NDUFA10: variants seen among roughly 807,000 people sequenced by gnomAD.
The protein encoded by NDUFA10 is NADH:ubiquinone oxidoreductase subunit A10, also known as NADH dehydrogenase [ubiquinone] 1 alpha subcomplex subunit 10, mitochondrial.
Under a neutral mutation model 47.8 loss-of-function variants are expected in NDUFA10, and 40 were observed. That is an observed-to-expected ratio of 0.84 (90% CI 0.65 to 1.09). NDUFA10 has a LOEUF of 1.09. Among genes scored for constraint, NDUFA10 ranks in the 50% least tolerant of loss-of-function variants. NDUFA10 has a pLI of 0.00. For synonymous variants in NDUFA10, 183 were observed against 172.2 expected, an observed-to-expected ratio of 1.06 and a Z score of -0.49; for missense variants, 413 against 451.1, an observed-to-expected ratio of 0.92 and a Z score of 0.76.
At chr2:239,972,514 A>C (rs1695344329) in intron 9 of NDUFA10, among the ~76,000 whole-genome samples, 1 of 152,182 alleles carries the variant, frequency 6.6e-6, no homozygotes, top group Admixed American at 6.5e-5. Flanking sequence ...AATTTTAAAG[A>C]AGAGCACTAT....
intron 4 of NDUFA10, among the ~76,000 whole-genome samples, chr2:239,911,670 A>AGTGTGTGTGTGTGTGTGT (rs146389087): frequency 5.5e-4 from 81 of 146,652 alleles, no homozygotes; most frequent in Admixed American, 6.1e-4. Flanking sequence ...AACATGAGAG[A>AGTGTGTGTGTGTGTGTGT]GTGTGTGTGC....
At chr2:239,922,635 C>T (rs894651295) in intron 4 of NDUFA10, among the ~76,000 whole-genome samples, 14 of 152,234 alleles carry the variant, frequency 9.2e-5, no homozygotes, top group Non-Finnish European at 1.3e-4. Context: ...GACTTTTCTA[C>T]GCCACAATGC....
chr2:239,971,914 G>A (rs1695319432), intron 9 of NDUFA10, among the ~76,000 whole-genome samples: 1 of 152,100 alleles, frequency 6.6e-6, no homozygotes, highest in Non-Finnish European at 1.5e-5. Context: ...CATATATATA[G>A]TAAAGGTATG....
At chr2:239,977,546 C>T (rs376019633) in intron 9 of NDUFA10, among the ~76,000 whole-genome samples, 2 of 152,198 alleles carry the variant, frequency 1.3e-5, no homozygotes, top group Non-Finnish European at 2.9e-5. Flanking sequence ...CACAGCTGGA[C>T]GACCGTGCCC....
chr2:239,967,977 T>A (rs4854066), intron 9 of NDUFA10, among the ~76,000 whole-genome samples: 57,733 of 139,354 alleles, frequency 0.41, 11,632 homozygotes, highest in Admixed American at 0.47. Context: ...AGGAAAAAAA[T>A]ATACACACAC....
rs539770359 is a variant in NDUFA10 at position 240,014,552 on chromosome 2, A to G, written c.669+187T>C. ...GGGCGGCAGGCCCGCAGGCTGTGGCACCAGGCCGAGCCATGGGGTCTCCCC... is the reference window on the plus strand; with the variant it reads ...GGGCGGCAGGCCCGCAGGCTGTGGCGCCAGGCCGAGCCATGGGGTCTCCCC... On this transcript the variant is annotated intron_variant, in intron 5 of 9. Coordinates refer to ENST00000252711, the MANE Select transcript of NDUFA10 (RefSeq NM_004544.4). 1.6e-4 allele frequency: 138 copies of G among 887,466 alleles called. 1 individual carries two copies. The Middle Eastern group carries it at 1.7e-3, about 11-fold the overall frequency. The allele number at this position is 887,466 out of a possible 1,614,324, so 55.0% of individuals were successfully genotyped here. A position where few individuals can be genotyped will look rare whatever the true frequency, so the allele number is the denominator to read the frequency against.
intron 5 of NDUFA10, chr2:240,013,450 A>G (rs1330679349): frequency 3.3e-5 from 5 of 152,274 alleles, no homozygotes; most frequent in Non-Finnish European, 7.3e-5. Context: ...GTTTTTCTCA[A>G]TAAATGTCAG....
At chr2:240,005,918 T>C (rs1468991735) in intron 7 of NDUFA10, among the ~76,000 whole-genome samples, 5 of 152,048 alleles carry the variant, frequency 3.3e-5, no homozygotes, top group Admixed American at 2.0e-4. Context: ...ACTCATTTCT[T>C]CCCAAGTAAG....
chr2:239,977,694 A>C (rs1051361338), intron 9 of NDUFA10, among the ~76,000 whole-genome samples: 2 of 152,238 alleles, frequency 1.3e-5, no homozygotes. Context: ...GAGAACGTAA[A>C]TATGACACAT....
intron 9 of NDUFA10, among the ~76,000 whole-genome samples, chr2:239,986,810 C>G (rs1696020740): frequency 6.6e-6 from 1 of 152,138 alleles, no homozygotes; most frequent in Non-Finnish European, 1.5e-5. Flanking sequence ...CAAAGTATGT[C>G]CCCCTCAAAA....
intron 4 of NDUFA10, among the ~76,000 whole-genome samples, chr2:239,898,991 G>GTA (rs1693463378): frequency 8.8e-6 from 1 of 113,010 alleles, no homozygotes; most frequent in Non-Finnish European, 2.0e-5. Context: ...TGATGGAGAG[G>GTA]TGTGATGGAG....
intron 8 of NDUFA10, among the ~76,000 whole-genome samples, chr2:239,992,089 A>G (rs75599513): frequency 2.0e-5 from 3 of 152,376 alleles, no homozygotes; most frequent in South Asian, 2.1e-4. Flanking sequence ...AGTCCATGGT[A>G]TATCTCCAGT....
chr2:239,949,702 TCCAACTCAGCCTCAAGCGATCCTC>T (rs1694520277), intron 4 of NDUFA10, among the ~76,000 whole-genome samples: 1 of 151,764 alleles, frequency 6.6e-6, no homozygotes, highest in Non-Finnish European at 1.5e-5. Context: ...CGGGCTGGTC[TCCAACTCAGCCTCAAGCGATCCTC>T]CCACCTCAGC....
chr2:239,929,968 ACCGCCC>A (rs1559289995), intron 4 of NDUFA10, among the ~76,000 whole-genome samples: 4 of 113,070 alleles, frequency 3.5e-5, no homozygotes, highest in Non-Finnish European at 3.6e-5. Flanking sequence ...CTGCTTCTCC[ACCGCCC>A]CTGCTCCTCA....
chr2:240,014,980 T>G (rs189659347), intron 4 of NDUFA10, 120 bp from the exon 5 acceptor site: 196 of 1,397,890 alleles, frequency 1.4e-4, no homozygotes, highest in Non-Finnish European at 1.8e-4. Flanking sequence ...CGTACCAATC[T>G]ACAAACCCTA....
At chr2:240,000,882 G>A (rs937944389) in intron 8 of NDUFA10, among the ~76,000 whole-genome samples, 1 of 152,210 alleles carries the variant, frequency 6.6e-6, no homozygotes. Context: ...TAGCATCTAC[G>A]CTTGTGTAAA....
intron 4 of NDUFA10, among the ~76,000 whole-genome samples, chr2:239,913,577 T>C (rs1377282834): frequency 1.3e-5 from 2 of 152,234 alleles, no homozygotes; most frequent in Non-Finnish European, 2.9e-5. Context: ...ATCTCAATAC[T>C]GCGGGGAGCT....
intron 4 of NDUFA10, among the ~76,000 whole-genome samples, chr2:239,895,920 C>T (rs1169295664): frequency 6.6e-6 from 1 of 152,208 alleles, no homozygotes; most frequent in Non-Finnish European, 1.5e-5. Context: ...TTCCCGTCTT[C>T]TTTCCGTCCA....
chr2:240,006,463 C>T (rs1163969809), intron 7 of NDUFA10, among the ~76,000 whole-genome samples: 1 of 152,184 alleles, frequency 6.6e-6, no homozygotes, highest in South Asian at 2.1e-4. Context: ...AACTGAAGCA[C>T]GCTTGTCACC....
Sources: allele counts gnomAD v4.1 joint callset (sites outside exome capture counted in the v4.1 genomes callset), GRCh38; gene constraint gnomAD v4.1.1; transcripts MANE v1.5; gene names NCBI Gene and HGNC (gene_info 2026-07-23, HGNC 2026-07-21).